USP34: variants seen among roughly 807,000 people sequenced by gnomAD.
USP34 encodes ubiquitin specific peptidase 34.
USP34 carries 70 observed loss-of-function variants against 460.3 expected under a neutral mutation model. That is an observed-to-expected ratio of 0.15 (90% CI 0.13 to 0.19). The LOEUF (loss-of-function observed/expected upper bound fraction) is 0.19. Ranked by LOEUF, USP34 falls within the 10% of genes least tolerant of loss-of-function variation. USP34 has a pLI of 1.00. For missense variants in USP34, 3,985 were observed against 4,236.2 expected, an observed-to-expected ratio of 0.94 and a Z score of 1.65; for synonymous variants, 1,647 against 1,405.3, an observed-to-expected ratio of 1.17 and a Z score of -3.85.
At position 61,398,576 on chromosome 2, in the gene USP34, A is replaced by G. The variant is rs1416849834; in HGVS notation, c.553-3343T>C. 5.0e-3 allele frequency among the ~76,000 whole-genome samples: 11 copies of G among 2,214 alleles called. No homozygotes were observed. In the African/African-American group the frequency reaches 0.06, roughly 12 times the overall value. The allele number at this position is 2,214 out of a possible 152,430, so 1.5% of individuals were successfully genotyped here. ...GGAGGCGGAAGCGGGAAGAGGGGAA[A>G]GTCGGGGGAGGGAGAAAGGGGAGGG... On this transcript the variant is annotated intron_variant, in intron 3 of 79. Transcript: ENST00000398571.
chr2:61,442,314 G>A (rs1694988269), intron 1 of USP34, among the ~76,000 whole-genome samples: 1 of 149,376 alleles, frequency 6.7e-6, no homozygotes, highest in Admixed American at 6.7e-5. Context: ...AGTAAAAAAA[G>A]ACAACCTACA....
At chr2:61,418,592 T>A (rs1442039991) in intron 2 of USP34, among the ~76,000 whole-genome samples, 1 of 152,218 alleles carries the variant, frequency 6.6e-6, no homozygotes, top group Admixed American at 6.5e-5. Flanking sequence ...TAAGAATGCA[T>A]TTTGCAGATT....
intron 10 of USP34, among the ~76,000 whole-genome samples, chr2:61,356,034 A>G (rs1362200386): frequency 6.6e-6 from 1 of 152,218 alleles, no homozygotes; most frequent in East Asian, 1.9e-4. Context: ...CATTTAATCC[A>G]GCAATCTGAC....
intron 72 of USP34, 33 bp downstream of exon 72, chr2:61,205,984 T>C (rs1363601932): frequency 1.3e-6 from 2 of 1,522,636 alleles, no homozygotes; most frequent in Non-Finnish European, 1.8e-6. Context: ...TTCCACTAGG[T>C]TTTTACACGG....
intron 43 of USP34, among the ~76,000 whole-genome samples, chr2:61,260,672 A>G (rs1429632346): frequency 6.6e-6 from 1 of 152,224 alleles, no homozygotes; most frequent in East Asian, 1.9e-4. Context: ...AAAGGGAATC[A>G]ACAAAATTGG....
At chr2:61,222,737 C>A in intron 64 of USP34, 74 bp from the exon 65 acceptor site, 2 of 1,417,536 alleles carry the variant, frequency 1.4e-6, no homozygotes, top group Non-Finnish European at 2.0e-6. Flanking sequence ...CGCTATGTCA[C>A]CCAGGCTGGG....
In USP34 at chr2:61,441,938, C is replaced by T. The variant is rs571117335; in HGVS notation, c.44-21105G>A. ...ACATAAGAACAGATACATAAACCAA[C>T]GGAACAGAACAGAGTGCCCAGAAGT... On this transcript the variant is annotated intron_variant, in intron 1 of 79. Coordinates refer to ENST00000398571, the MANE Select transcript of USP34 (RefSeq NM_014709.4). Among the ~76,000 whole-genome samples, 27 of 151,090 alleles carry T rather than the reference C, an allele frequency of 1.8e-4. No individual in the cohort carries two copies. The South Asian group carries it at 3.1e-3, about 18-fold the overall frequency.
At chr2:61,281,386 A>C in intron 37 of USP34, 144 bp from the exon 38 acceptor site, 1 of 1,066,770 alleles carries the variant, frequency 9.4e-7, no homozygotes, top group Non-Finnish European at 1.3e-6. Flanking sequence ...CCCAGGCAGG[A>C]GGATAACCTG....
chr2:61,250,040 G>C (rs1688533198), intron 48 of USP34, among the ~76,000 whole-genome samples: 1 of 152,262 alleles, frequency 6.6e-6, no homozygotes, highest in East Asian at 1.9e-4. Flanking sequence ...TTGAGGCCAG[G>C]AGTTCGAGAC....
At chr2:61,328,530 G>A in intron 20 of USP34, among the ~76,000 whole-genome samples, 1 of 151,998 alleles carries the variant, frequency 6.6e-6, no homozygotes, top group Non-Finnish European at 1.5e-5. Flanking sequence ...GAAGGAATAG[G>A]GAAATTGTAT....
chr2:61,441,512 C>T (rs1694961817), intron 1 of USP34, among the ~76,000 whole-genome samples: 2 of 152,078 alleles, frequency 1.3e-5, no homozygotes, highest in Non-Finnish European at 2.9e-5. Flanking sequence ...CCACACAGCT[C>T]CCAAAGCCCC....
chr2:61,193,364 G>GAAAAAAAAAAAAAAAAAAA (rs1558458446), intron 75 of USP34: 1 of 32,706 alleles, frequency 3.1e-5, no homozygotes, highest in African/African-American at 1.2e-4. Context: ...GAGGGGAAAG[G>GAAAAAAAAAAAAAAAAAAA]TAAAAAAAAA....
chr2:61,334,057 T>G, intron 18 of USP34, 86 bp from the exon 19 acceptor site: 1 of 943,804 alleles, frequency 1.1e-6, no homozygotes, highest in Non-Finnish European at 1.5e-6. Flanking sequence ...TGCTAAAAGA[T>G]TTAATGAATC....
intron 1 of USP34, among the ~76,000 whole-genome samples, chr2:61,464,717 CAAAAAAA>C (rs35331685): frequency 2.6e-5 from 2 of 77,996 alleles, no homozygotes; most frequent in African/African-American, 5.0e-5. Context: ...GACTCCGTCT[CAAAAAAA>C]AAAAAAAAAA....
intron 27 of USP34, among the ~76,000 whole-genome samples, chr2:61,302,559 T>C (rs984873651): frequency 6.6e-6 from 1 of 152,234 alleles, no homozygotes; most frequent in African/African-American, 2.4e-5. Context: ...TCCTATTTTC[T>C]TCTAAATTTT....
intron 41 of USP34, among the ~76,000 whole-genome samples, chr2:61,268,808 T>C (rs1689130340): frequency 6.6e-6 from 1 of 152,164 alleles, no homozygotes; most frequent in Admixed American, 6.5e-5. Context: ...AGCTTAATAT[T>C]CACCTACAAC....
chr2:61,347,744 C>T (rs1691815695), intron 15 of USP34, 126 bp downstream of exon 15: 3 of 1,454,246 alleles, frequency 2.1e-6, no homozygotes, highest in Admixed American at 4.6e-5. Flanking sequence ...TTGTAGCTTA[C>T]ATTTATAGTT....
At position 61,194,225 on chromosome 2, in the gene USP34, C is replaced by T. The variant is rs1464827821; in HGVS notation, c.9509-1245G>A. ...ATTTATTTTCCTGTCAAGATGAGTC[C>T]CTTTAGACACAAGAGGCAAGGAAAT... On this transcript the variant is annotated intron_variant, in intron 75 of 79. Transcript: ENST00000398571. 4 of 985,210 alleles carry T rather than the reference C, an allele frequency of 4.1e-6. No homozygotes were observed. The Admixed American group carries it at 2.5e-4, about 61-fold the overall frequency. 61.0% of individuals were successfully genotyped at this position (985,210 alleles called of 1,614,324 possible).
chr2:61,229,016 T>C (rs1256086494), intron 59 of USP34, 21 bp from the exon 60 acceptor site: 1 of 1,515,160 alleles, frequency 6.6e-7, no homozygotes. Context: ...ATTAAATAGA[T>C]CTTAGAGAAT....
Sources: allele counts gnomAD v4.1 joint callset (sites outside exome capture counted in the v4.1 genomes callset), GRCh38; gene constraint gnomAD v4.1.1; transcripts MANE v1.5; gene names NCBI Gene and HGNC (gene_info 2026-07-23, HGNC 2026-07-21).